Variants in DLGAP2 observed in about 807,000 individuals in gnomAD.
The protein encoded by DLGAP2 is disks large-associated protein 2.
In DLGAP2, 26 loss-of-function variants were observed where a neutral mutation model predicts 100.3. The observed-to-expected ratio is 0.26, with a 90% confidence interval of 0.19 to 0.36. The LOEUF (loss-of-function observed/expected upper bound fraction) is 0.36, where lower values mean the gene tolerates loss of function less well. Among genes scored for constraint, DLGAP2 ranks in the 10% least tolerant of loss-of-function variants. The pLI is 1.00. For missense variants in DLGAP2, 1,858 were observed against 1,453.2 expected, an observed-to-expected ratio of 1.28 and a Z score of -4.53; for synonymous variants, 886 against 630.1, an observed-to-expected ratio of 1.41 and a Z score of -6.08.
intron 4 of DLGAP2, among the ~76,000 whole-genome samples, chr8:1,506,721 G>A (rs1799933437): frequency 6.6e-6 from 1 of 152,198 alleles, no homozygotes; most frequent in Non-Finnish European, 1.5e-5. Context: ...ACAAAGAGCT[G>A]ATTGGTCTGT....
chr8:1,348,322 G>C (rs959707897), intron 3 of DLGAP2, among the ~76,000 whole-genome samples: 2 of 148,246 alleles, frequency 1.3e-5, no homozygotes, highest in African/African-American at 5.0e-5. Context: ...CATGGTAGCT[G>C]TGTGGAGATT....
In DLGAP2 at chr8:1,249,906, A is replaced by G. The variant is rs577410968; in HGVS notation, c.74-8945A>G. Among the ~76,000 whole-genome samples, 3 of 152,094 alleles carry G rather than the reference A, an allele frequency of 2.0e-5. No homozygotes were observed. The East Asian group carries it at 5.8e-4, about 29-fold the overall frequency. On this transcript the variant is annotated intron_variant, in intron 2 of 14. Transcript: ENST00000637795. ...CTTTATTTTCTTTTTTTTGAGAGAG[A>G]GTCTTGCTCTGTCACCCAGGCTGGA...
chr8:1,492,158 C>T (rs906743719), intron 3 of DLGAP2, among the ~76,000 whole-genome samples: 2 of 152,258 alleles, frequency 1.3e-5, no homozygotes, highest in Middle Eastern at 6.8e-3. Context: ...AGACTTGATC[C>T]TCGGTCCAAA....
At chr8:1,005,155 C>T (rs935285606) in intron 2 of DLGAP2, among the ~76,000 whole-genome samples, 1 of 152,168 alleles carries the variant, frequency 6.6e-6, no homozygotes, top group Non-Finnish European at 1.5e-5. Context: ...TGTGGAGTTC[C>T]TGGCCCACTG....
intron 2 of DLGAP2, among the ~76,000 whole-genome samples, chr8:959,719 G>T (rs554018473): frequency 4.6e-5 from 7 of 152,254 alleles, no homozygotes; most frequent in African/African-American, 1.7e-4. Flanking sequence ...GAGATGCAAG[G>T]TCTGATTGGC....
intron 1 of DLGAP2, among the ~76,000 whole-genome samples, chr8:743,689 G>A (rs1223591863): frequency 8.6e-5 from 13 of 152,046 alleles, no homozygotes; most frequent in South Asian, 4.1e-4. Context: ...TCAGCCTCCC[G>A]AGTAGCTGGG....
At chr8:1,449,013 G>A (rs1472350388) in intron 3 of DLGAP2, among the ~76,000 whole-genome samples, 9 of 152,232 alleles carry the variant, frequency 5.9e-5, no homozygotes, top group Non-Finnish European at 1.3e-4. Flanking sequence ...GAGAGCTGTA[G>A]GCTGTGATGG....
rs71190735 is a variant in DLGAP2 at position 1,419,441 on chromosome 8, C to CGTGTGT, written c.107-81896_107-81891dup. ...TGGGATACTGTGTTACACTCTGATA[C>CGTGTGT]GTGTGTGTGTGTGTGTGTGTGTGTG... is the stretch of plus-strand genomic sequence containing the variant. On this transcript the variant is annotated intron_variant, in intron 3 of 14. Transcript: ENST00000637795. Among the ~76,000 whole-genome samples the CGTGTGT allele has an allele frequency of 1.7e-4, 9 of 53,008 alleles. No homozygotes were observed. In the East Asian group the frequency reaches 6.9e-3, roughly 40 times the overall value. 34.8% of individuals were successfully genotyped at this position (53,008 alleles called of 152,430 possible). A position where few individuals can be genotyped will look rare whatever the true frequency, so the allele number is the denominator to read the frequency against.
At chr8:1,320,843 G>T (rs926208958) in intron 3 of DLGAP2, among the ~76,000 whole-genome samples, 1 of 152,200 alleles carries the variant, frequency 6.6e-6, no homozygotes, top group African/African-American at 2.4e-5. Flanking sequence ...GTGTGTGCAC[G>T]TGTGTTTCTC....
chr8:1,354,437 C>T (rs572162978), intron 3 of DLGAP2, among the ~76,000 whole-genome samples: 1 of 152,172 alleles, frequency 6.6e-6, no homozygotes, highest in African/African-American at 2.4e-5. Context: ...CACTTGAACT[C>T]GGGAGGCACA....
chr8:1,674,988 A>G (rs1047968045), intron 10 of DLGAP2, among the ~76,000 whole-genome samples: 2 of 152,194 alleles, frequency 1.3e-5, no homozygotes, highest in Non-Finnish European at 2.9e-5. Context: ...CCCACTTAAC[A>G]CTAGAAACGG....
At chr8:1,004,587 C>T (rs553627685) in intron 2 of DLGAP2, among the ~76,000 whole-genome samples, 1 of 152,322 alleles carries the variant, frequency 6.6e-6, no homozygotes, top group South Asian at 2.1e-4. Context: ...CTGTATAGTG[C>T]CTGTGAAGGG....
chr8:1,456,097 G>C (rs927126093), intron 3 of DLGAP2, among the ~76,000 whole-genome samples: 10 of 152,192 alleles, frequency 6.6e-5, no homozygotes, highest in African/African-American at 2.4e-4. Context: ...GCTTTCGATG[G>C]ATCAAAGCTT....
intron 3 of DLGAP2, among the ~76,000 whole-genome samples, chr8:1,334,967 C>T (rs546571639): frequency 1.3e-5 from 2 of 152,214 alleles, no homozygotes; most frequent in Non-Finnish European, 2.9e-5. Flanking sequence ...GGACCCAGCC[C>T]TCGCAGGCAC....
chr8:1,590,179 G>A (rs575849760), intron 6 of DLGAP2, among the ~76,000 whole-genome samples: 71 of 152,198 alleles, frequency 4.7e-4, no homozygotes, highest in African/African-American at 1.7e-3. Context: ...AGCCCACTCC[G>A]GTGACCTCAT....
Position 1,172,329 on chromosome 8 carries a change from T to C in DLGAP2, c.74-86522T>C, listed in dbSNP as rs189935259. Among the ~76,000 whole-genome samples, 62 of 152,204 alleles carry C rather than the reference T, an allele frequency of 4.1e-4. 1 individual carries two copies. The highest frequency in any genetic ancestry group is 2.9e-5 in the Non-Finnish European group (2 of 68,006). On this transcript the variant is annotated intron_variant, in intron 2 of 14. Transcript: ENST00000637795. The stretch of plus-strand genomic sequence containing the variant: ...GCTCTCCTTAACATTTTTTCCTTCA[T>C]TTCCACTTTGGTGAATCTGACCATT...
At chr8:1,098,701 G>A (rs1350286548) in intron 2 of DLGAP2, among the ~76,000 whole-genome samples, 1 of 110,538 alleles carries the variant, frequency 9.0e-6, no homozygotes, top group Non-Finnish European at 1.9e-5. Context: ...CGCCACCCAC[G>A]CCAGGCTCCC....
chr8:1,191,482 C>G (rs562941380), intron 2 of DLGAP2, among the ~76,000 whole-genome samples: 9 of 152,278 alleles, frequency 5.9e-5, no homozygotes, highest in African/African-American at 2.2e-4. Flanking sequence ...TACGTTTTAT[C>G]TATAAGAAAA....
At chr8:1,060,690 C>T (rs899413825) in intron 2 of DLGAP2, among the ~76,000 whole-genome samples, 4 of 152,144 alleles carry the variant, frequency 2.6e-5, no homozygotes, top group Non-Finnish European at 4.4e-5. Flanking sequence ...ATGTTCATCC[C>T]GTAACTCCTG....
Sources: gnomAD v4.1 joint callset for allele counts (sites outside exome capture counted in the v4.1 genomes callset) on GRCh38, gnomAD v4.1.1 for gene constraint, MANE v1.5 for transcripts, NCBI Gene and HGNC (gene_info 2026-07-23, HGNC 2026-07-21) for gene names.